The following FOXP1 variants were observed in gnomAD, a reference collection of about 807,000 sequenced individuals.
FOXP1 encodes the protein forkhead box P1, also known as forkhead box protein P1.
Under a neutral mutation model 98.2 loss-of-function variants are expected in FOXP1, and 15 were observed. The observed-to-expected ratio is 0.15, with a 90% CI of 0.10 to 0.24. FOXP1 has a LOEUF of 0.24. Among genes scored for constraint, FOXP1 ranks in the 10% least tolerant of loss-of-function variants. The pLI is 1.00. For synonymous variants in FOXP1, 371 were observed against 314.5 expected (o/e 1.18, Z -1.90); for missense variants, 633 against 848.5 (o/e 0.75, Z 3.15).
At chr3:71,003,600 T>C (rs1052606163) in intron 12 of FOXP1, among the ~76,000 whole-genome samples, 2 of 152,178 alleles carry the variant, frequency 1.3e-5, no homozygotes, top group Non-Finnish European at 2.9e-5. Flanking sequence ...GTTCCCTTTT[T>C]CTGCACATTT....
intron 5 of FOXP1, among the ~76,000 whole-genome samples, chr3:71,267,038 G>A (rs1389402218): frequency 1.3e-5 from 2 of 151,762 alleles, no homozygotes; most frequent in Non-Finnish European, 2.9e-5. Context: ...TCCATTATTG[G>A]GCCACATCAC....
At chr3:71,087,962 C>A (rs548786211) in intron 7 of FOXP1, among the ~76,000 whole-genome samples, 1 of 152,138 alleles carries the variant, frequency 6.6e-6, no homozygotes, top group Admixed American at 6.5e-5. Context: ...GACTAGGCCA[C>A]GGCATAATGT....
At chr3:71,385,539 G>A (rs1202400203) in intron 3 of FOXP1, among the ~76,000 whole-genome samples, 2 of 152,068 alleles carry the variant, frequency 1.3e-5, no homozygotes, top group Admixed American at 1.3e-4. Context: ...TTGCTGAGGT[G>A]GGAAAGGCTC....
chr3:71,581,423 C>T (rs1180211351), intron 2 of FOXP1, 126 bp downstream of exon 2: 4 of 985,480 alleles, frequency 4.1e-6, no homozygotes, highest in East Asian at 1.1e-4. Flanking sequence ...GCACATTCCT[C>T]GCTCCCGGTG....
chr3:71,554,236 C>T (rs984914798), intron 2 of FOXP1, among the ~76,000 whole-genome samples: 1 of 152,118 alleles, frequency 6.6e-6, no homozygotes, highest in Non-Finnish European at 1.5e-5. Context: ...CACTTGTGGT[C>T]CCAGCTACTC....
At chr3:71,561,489 T>G (rs1466945328) in intron 2 of FOXP1, among the ~76,000 whole-genome samples, 1 of 151,952 alleles carries the variant, frequency 6.6e-6, no homozygotes, top group African/African-American at 2.4e-5. Flanking sequence ...ATTACAGTAT[T>G]TTAGATGAAA....
chr3:71,532,767 T>C (rs2030303458), intron 2 of FOXP1, among the ~76,000 whole-genome samples: 2 of 152,138 alleles, frequency 1.3e-5, no homozygotes, highest in African/African-American at 4.8e-5. Flanking sequence ...TGCCCCGCCC[T>C]TCTGTTCCAC....
chr3:71,065,335 A>C lies in FOXP1; in HGVS notation c.283-11562T>G, dbSNP rs554555082. ...AAAGAGTTGTCCTAACCTTTCCGAG[A>C]AACCCGGGAGGCCGAAGAGGGGCAC... On this transcript the variant is annotated intron_variant, in intron 7 of 20. Transcript: ENST00000649528. 1.1e-3 allele frequency among the ~76,000 whole-genome samples: 172 copies of C among 152,150 alleles called. 4 individuals are homozygous for C. The South Asian group carries it at 0.034, about 30-fold the overall frequency.
intron 6 of FOXP1, among the ~76,000 whole-genome samples, chr3:71,125,455 G>T (rs1431140693): frequency 6.6e-6 from 1 of 151,972 alleles, no homozygotes; most frequent in East Asian, 1.9e-4. Context: ...AAATATATTC[G>T]GTTAATCTAA....
chr3:71,439,263 G>GCCTTTTCCTGGTTCCTGAAAA (rs1184814586), intron 3 of FOXP1, among the ~76,000 whole-genome samples: 1 of 152,168 alleles, frequency 6.6e-6, no homozygotes, highest in African/African-American at 2.4e-5. Flanking sequence ...GCAAACGATT[G>GCCTTTTCCTGGTTCCTGAAAA]CCTTTTCCTG....
chr3:71,032,451 TG>T (rs2047001005), intron 11 of FOXP1, among the ~76,000 whole-genome samples: 1 of 152,244 alleles, frequency 6.6e-6, no homozygotes, highest in Non-Finnish European at 1.5e-5. Flanking sequence ...AGTGACAAGC[TG>T]GAACACATAT....
chr3:71,535,164 T>C (rs2044188006), intron 2 of FOXP1, among the ~76,000 whole-genome samples: 1 of 152,220 alleles, frequency 6.6e-6, no homozygotes, highest in South Asian at 2.1e-4. Flanking sequence ...TGATCCCACA[T>C]GCCCCACAAA....
chr3:71,539,086 G>GT (rs557856311), intron 2 of FOXP1, among the ~76,000 whole-genome samples: 19 of 149,004 alleles, frequency 1.3e-4, no homozygotes, highest in East Asian at 5.8e-4. Flanking sequence ...TTTGTTTTAG[G>GT]TTTTTTTATT....
intron 11 of FOXP1, among the ~76,000 whole-genome samples, chr3:71,035,081 CCT>C (rs2047403438): frequency 6.6e-6 from 1 of 152,162 alleles, no homozygotes; most frequent in Admixed American, 6.5e-5. Context: ...ATTCCAAACC[CCT>C]GAGGCTCTTG....
chr3:71,041,371 A>G lies in FOXP1; in HGVS notation c.826T>C (p.Ser276Pro). Residue 276 changes from serine (S) to proline (P), a missense_variant, in exon 11 of 21, where the codon TCT becomes CCT. By Grantham distance (74) the Ser-to-Pro change is moderately conservative (BLOSUM62 -1). Coordinates refer to ENST00000649528, the MANE Select transcript of FOXP1 (RefSeq NM_001349338.3). The stretch of plus-strand genomic sequence containing the variant: ...TGGACTGAGAGCTGTCCATTGGTAG[A>G]GGCATGTGGGTTCATTATTAAGGAG... ...KTSLIMNPHA[S>P]TNGQLSVHTP... The G allele has an allele frequency of 1.2e-6, 2 of 1,613,684 alleles. No homozygotes were observed. The highest frequency in any genetic ancestry group is 1.7e-6 in the Non-Finnish European group (2 of 1,179,782).
intron 6 of FOXP1, among the ~76,000 whole-genome samples, chr3:71,189,057 A>C (rs2062816977): frequency 6.6e-6 from 1 of 152,202 alleles, no homozygotes; most frequent in African/African-American, 2.4e-5. Flanking sequence ...GGCATGGCTA[A>C]ATTTAAATAC....
chr3:70,963,776 T>C (rs1244503654), intron 20 of FOXP1, among the ~76,000 whole-genome samples: 1 of 152,214 alleles, frequency 6.6e-6, no homozygotes, highest in Non-Finnish European at 1.5e-5. Flanking sequence ...AGGATAAAAG[T>C]AGAATGCCCC....
At chr3:71,323,662 T>C (rs2075524813) in intron 4 of FOXP1, among the ~76,000 whole-genome samples, 1 of 152,068 alleles carries the variant, frequency 6.6e-6, no homozygotes. Flanking sequence ...CTGGAAGAAA[T>C]ATTAGACTGA....
intron 3 of FOXP1, among the ~76,000 whole-genome samples, chr3:71,431,060 G>A (rs1053390755): frequency 4.6e-5 from 7 of 152,200 alleles, no homozygotes; most frequent in African/African-American, 1.2e-4. Flanking sequence ...AGGCAGGGAG[G>A]TGAGTGGTGG....
Sources: allele counts gnomAD v4.1 joint callset (sites outside exome capture counted in the v4.1 genomes callset), GRCh38; gene constraint gnomAD v4.1.1; transcripts MANE v1.5; gene names NCBI Gene and HGNC (gene_info 2026-07-23, HGNC 2026-07-21).